Variants in ABCB9 observed in about 807,000 individuals in gnomAD.
ABCB9 encodes ATP binding cassette subfamily B member 9, also known as ABC-type oligopeptide transporter ABCB9.
Under a neutral mutation model 62.0 loss-of-function variants are expected in ABCB9, and 36 were observed. The observed-to-expected ratio is 0.58, with a 90% confidence interval of 0.45 to 0.77. ABCB9 has a LOEUF of 0.77. Ranked by LOEUF, ABCB9 falls within the 30% of genes least tolerant of loss-of-function variation. The probability of loss-of-function intolerance (pLI) is 0.00; values close to 1 mark genes in which losing one functional copy is unlikely to be tolerated. For synonymous variants in ABCB9, 435 were observed against 461.4 expected (o/e 0.94, Z 0.73); for missense variants, 943 against 1,054.7 (o/e 0.89, Z 1.47).
Position 122,940,400 on chromosome 12 carries a change from C to T in ABCB9, c.1570-116G>A, listed in dbSNP as rs533203498. On this transcript the variant is annotated intron_variant, in intron 8 of 11. Transcript: ENST00000280560. The surrounding 1 kb of genome is among the most constrained non-coding windows in gnomAD (Gnocchi z 4.8). ...CAGCCCACCCCATGTGCCTCTCCCT[C>T]GCTTGGGCACTGCTGGCCCCTAAAC... The T allele has an allele frequency of 1.6e-5, 19 of 1,219,456 alleles. No individual in the cohort carries two copies. In the African/African-American group the frequency reaches 1.8e-4, roughly 12 times the overall value. The allele number at this position is 1,219,456 out of a possible 1,614,324, so 75.5% of individuals were successfully genotyped here. A position where few individuals can be genotyped will look rare whatever the true frequency, so the allele number is the denominator to read the frequency against.
intron 2 of ABCB9, among the ~76,000 whole-genome samples, chr12:122,954,259 G>A (rs978991991): frequency 2.0e-5 from 3 of 151,570 alleles, no homozygotes; most frequent in South Asian, 2.1e-4. Context: ...CCCAGGCTGC[G>A]ATGCAATGGT....
rs549570854 is a variant in ABCB9, at chr12:122,943,638, T to TTTG, written c.1380+752_1380+753insCAA. Among the ~76,000 whole-genome samples, 21 of 151,464 alleles carry TTTG rather than the reference T, an allele frequency of 1.4e-4. 1 individual carries two copies. In the South Asian group the frequency reaches 3.5e-3, roughly 26 times the overall value. On this transcript the variant is annotated intron_variant, in intron 7 of 11. Transcript: ENST00000280560. ...GGTAGTATTATCATTCTTTCTTTCT[T>TTTG]TTTTTTTTGAGATGGAGTTTCGCTT...
chr12:122,949,084 C>T (rs1260990584), intron 4 of ABCB9: 1 of 337,416 alleles, frequency 3.0e-6, no homozygotes, highest in Admixed American at 4.5e-5. Flanking sequence ...ACAGGAAGGC[C>T]CCCGTAGAGT....
chr12:122,923,443 C>T (rs370273101), intron 11 of ABCB9, among the ~76,000 whole-genome samples: 150 of 152,254 alleles, frequency 9.9e-4, no homozygotes, highest in African/African-American at 3.3e-3. Flanking sequence ...CCCGCCACCA[C>T]GCCCGGCTAA....
At chr12:122,925,631 G>A (rs1186358887), downstream of ABCB9, among the ~76,000 whole-genome samples, 5 of 151,740 alleles carry the variant, frequency 3.3e-5, no homozygotes, top group South Asian at 2.1e-4. Context: ...GCCTCTAGTC[G>A]CAGCTACTCG....
chr12:122,921,542 C>G (rs1457183369), intron 11 of ABCB9, among the ~76,000 whole-genome samples: 4 of 152,134 alleles, frequency 2.6e-5, no homozygotes, highest in African/African-American at 9.7e-5. Flanking sequence ...TTTGGGAGAG[C>G]GAGGCAGGTG....
At chr12:122,927,935 C>A (rs1023348509), downstream of ABCB9, among the ~76,000 whole-genome samples, 8 of 152,210 alleles carry the variant, frequency 5.3e-5, no homozygotes, top group Non-Finnish European at 5.9e-5. Context: ...GAAAACTTAA[C>A]CCCCTCTGCT....
intron 2 of ABCB9, among the ~76,000 whole-genome samples, chr12:122,953,627 C>G (rs1374084197): frequency 6.6e-6 from 1 of 152,136 alleles, no homozygotes; most frequent in Non-Finnish European, 1.5e-5. Context: ...ACCTCGTGAT[C>G]CACCTGCCTT....
chr12:122,969,174 A>C (rs1357844627), upstream of ABCB9, among the ~76,000 whole-genome samples: 550 of 137,182 alleles, frequency 4.0e-3, no homozygotes, highest in Admixed American at 5.6e-3. Flanking sequence ...CATCCTTTCC[A>C]CCCCCCCCCC....
rs2035052662 is a variant in ABCB9 at position 122,929,988 on chromosome 12, T to A, written c.2224A>T (p.Met742Leu). The A allele has an allele frequency of 1.3e-6, 2 of 1,577,470 alleles. No individual in the cohort carries two copies. Among genetic ancestry groups the A allele is most frequent in the Admixed American group, 1.8e-5 (1 of 54,652 alleles). Reference protein sequence around the residue: ...GLYAKLVQRQMLGLQPAADFT... With the variant: ...GLYAKLVQRQLLGLQPAADFT... ...TCTGCGGCGGGCTGAAGCCCCAGCATCTGCCGCTGCACCAGCTTGGCGTAG... is the reference window on the plus strand; with the variant it reads ...TCTGCGGCGGGCTGAAGCCCCAGCAACTGCCGCTGCACCAGCTTGGCGTAG... The change falls in exon 12 of 12, where the codon ATG (methionine) becomes TTG (leucine). Residue 742 changes from methionine to leucine, a missense_variant. By Grantham distance (15) the Met-to-Leu change is conservative (BLOSUM62 2). Coordinates refer to ENST00000280560, the MANE Select transcript of ABCB9 (RefSeq NM_019625.4). This position sits in a 1 kb window ranked among gnomAD's most constrained non-coding sequence, Gnocchi z 6.0.
downstream of ABCB9, among the ~76,000 whole-genome samples, chr12:122,918,733 C>T (rs1224383871): frequency 1.3e-5 from 2 of 152,128 alleles, no homozygotes; most frequent in Non-Finnish European, 2.9e-5. Flanking sequence ...GCTGGGATTA[C>T]AGGCATGAGC....
In ABCB9 at chr12:122,963,781, C is replaced by T. The variant is rs534793492; in HGVS notation, c.-88+2506G>A. On this transcript the variant is annotated intron_variant, in intron 1 of 11. Coordinates refer to ENST00000280560, the MANE Select transcript of ABCB9 (RefSeq NM_019625.4). ...TTCACCCCCACACCTCCAGGCACAC[C>T]GAAGCCCATCGCAGAGATGACAGTT... Among the ~76,000 whole-genome samples, 17 of 152,246 alleles carry T rather than the reference C, an allele frequency of 1.1e-4. No individual in the cohort carries two copies. In the East Asian group the frequency reaches 2.9e-3, roughly 26 times the overall value.
intron 9 of ABCB9, among the ~76,000 whole-genome samples, chr12:122,935,738 G>C (rs1403401017): frequency 6.6e-6 from 1 of 152,186 alleles, no homozygotes; most frequent in Non-Finnish European, 1.5e-5. Flanking sequence ...AAAAGAAAGA[G>C]GGATAGAATA....
intron 3 of ABCB9, 63 bp from the exon 4 acceptor site, chr12:122,949,981 GC>G: frequency 3.7e-6 from 6 of 1,600,996 alleles, no homozygotes; most frequent in Non-Finnish European, 5.1e-6. Flanking sequence ...ACACCCGGCT[GC>G]CCCCTCCCGC....
At chr12:122,946,906 A>G (rs2036071150) in intron 5 of ABCB9, among the ~76,000 whole-genome samples, 1 of 152,234 alleles carries the variant, frequency 6.6e-6, no homozygotes, top group South Asian at 2.1e-4. Context: ...CTGATTCTCA[A>G]GCCAGCCAGG....
Position 122,929,893 on chromosome 12 carries a change from A to T in ABCB9, c.*18T>A. The T allele has an allele frequency of 6.6e-7, 1 of 1,515,648 alleles. No individual in the cohort carries two copies. The highest frequency in any genetic ancestry group is 8.8e-7 in the Non-Finnish European group (1 of 1,131,444). The allele number at this position is 1,515,648 out of a possible 1,614,324, so 93.9% of individuals were successfully genotyped here. On this transcript the variant is annotated 3_prime_UTR_variant, in exon 12 of 12. Transcript: ENST00000280560. This position sits in a 1 kb window ranked among gnomAD's most constrained non-coding sequence, Gnocchi z 6.0. ...GCACCGGGTCCTCTGCCCCACCGGG[A>T]GAAGCAGGGGCCCCCCATCAGGCCT...
At position 122,960,284 on chromosome 12, in the gene ABCB9, G is replaced by A. The variant is rs756362052; in HGVS notation, c.-49C>T. 31 of 1,577,732 alleles carry A rather than the reference G, an allele frequency of 2.0e-5. No homozygotes were observed. Among genetic ancestry groups the A allele is most frequent in the African/African-American group, 1.2e-4 (9 of 74,520 alleles). ...TGCTGAAGGCCAGGTTGTAGCTCAC[G>A]GGGGCAAGGCCATCATCATCCACAG... On this transcript the variant is annotated 5_prime_UTR_variant, in exon 2 of 12. Coordinates refer to ENST00000280560, the MANE Select transcript of ABCB9 (RefSeq NM_019625.4).
In ABCB9 at chr12:122,964,885, T is replaced by C. The variant is rs3782289; in HGVS notation, c.-88+1402A>G. On this transcript the variant is annotated intron_variant, in intron 1 of 11. Coordinates refer to ENST00000280560, the MANE Select transcript of ABCB9 (RefSeq NM_019625.4). This position sits in a 1 kb window ranked among gnomAD's most constrained non-coding sequence, Gnocchi z 4.7. The stretch of plus-strand genomic sequence containing the variant: ...CCCCACCAGGGGTCTTGTCAAAGGC[T>C]TTTCTTCCCAGGGTAGGAGACATTG... Among the ~76,000 whole-genome samples, 6,520 of 152,264 alleles carry C rather than the reference T, an allele frequency of 0.043. 195 individuals are homozygous for C. The highest frequency in any genetic ancestry group is 0.17 in the East Asian group (885 of 5,180).
chr12:122,953,800 G>A (rs10219462), intron 2 of ABCB9, among the ~76,000 whole-genome samples: 8,496 of 152,126 alleles, frequency 0.056, 563 homozygotes, highest in African/African-American at 0.16. Flanking sequence ...GGGATTACAG[G>A]TGTGAGCCAC....
Sources: gnomAD v4.1 joint callset for allele counts (sites outside exome capture counted in the v4.1 genomes callset) on GRCh38, gnomAD v4.1.1 for gene constraint, Gnocchi (gnomAD v3.1) non-coding constraint, MANE v1.5 for transcripts, NCBI Gene and HGNC (gene_info 2026-07-23, HGNC 2026-07-21) for gene names.